ANKH: variants seen among roughly 807,000 people sequenced by gnomAD.
ANKH encodes mineralization regulator ANKH.
Under a neutral mutation model 49.0 loss-of-function variants are expected in ANKH, and 15 were observed. The observed-to-expected ratio is 0.31, with a 90% CI of 0.20 to 0.47. ANKH has a LOEUF of 0.47. Ranked by LOEUF, ANKH falls within the 20% of genes least tolerant of loss-of-function variation. The pLI, the probability that ANKH is intolerant of heterozygous loss-of-function variation, is 1.00. For synonymous variants in ANKH, 273 were observed against 260.0 expected, an observed-to-expected ratio of 1.05 and a Z score of -0.48; for missense variants, 429 against 652.0, an observed-to-expected ratio of 0.66 and a Z score of 3.72.
intron 1 of ANKH, among the ~76,000 whole-genome samples, chr5:14,810,277 C>T (rs1740840470): frequency 6.6e-6 from 1 of 151,946 alleles, no homozygotes; most frequent in Non-Finnish European, 1.5e-5. Flanking sequence ...CCTGCCTCAG[C>T]CTACCAAATA....
intron 1 of ANKH, among the ~76,000 whole-genome samples, chr5:14,793,027 T>A (rs1321241444): frequency 4.5e-5 from 4 of 88,108 alleles, no homozygotes; most frequent in Non-Finnish European, 8.4e-5. Flanking sequence ...TATAAATATA[T>A]ATATATAAAA....
intron 8 of ANKH, among the ~76,000 whole-genome samples, chr5:14,731,891 C>T (rs1738015996): frequency 6.6e-6 from 1 of 152,188 alleles, no homozygotes; most frequent in African/African-American, 2.4e-5. Context: ...CTGTGTGGGA[C>T]AGGGCAACGT....
At position 14,798,404 on chromosome 5, in the gene ANKH, G is replaced by A. The variant is rs1450436476; in HGVS notation, c.97-29213C>T. 9.0e-6 allele frequency: 14 copies of A among 1,557,158 alleles called. No individual in the cohort carries two copies. The East Asian group carries it at 1.2e-4, about 13-fold the overall frequency. ...AGGCTGCTTCCTTGTCGGCCATGGCGGGCAGGCGAGCCGGGGGAATCCTGG... is the reference window on the plus strand; with the variant it reads ...AGGCTGCTTCCTTGTCGGCCATGGCAGGCAGGCGAGCCGGGGGAATCCTGG... On this transcript the variant is annotated intron_variant, in intron 1 of 11. Transcript: ENST00000284268.
chr5:14,786,748 A>G (rs1169465178), intron 1 of ANKH, among the ~76,000 whole-genome samples: 1 of 152,228 alleles, frequency 6.6e-6, no homozygotes, highest in African/African-American at 2.4e-5. Context: ...AATTGTGTGG[A>G]AAAGGAATAT....
In ANKH at chr5:14,812,243, A is replaced by AT. The variant is rs937710931; in HGVS notation, c.97-43053dup. On this transcript the variant is annotated intron_variant, in intron 1 of 11. Coordinates refer to ENST00000284268, the MANE Select transcript of ANKH (RefSeq NM_054027.6). ...TTAAAACCAAAACCCCAAACTTATT[A>AT]TTTTTTTTTTTACCAAAATATAAGT... 5.4e-4 allele frequency among the ~76,000 whole-genome samples: 79 copies of AT among 147,066 alleles called. 1 individual carries two copies. Among genetic ancestry groups the AT allele is most frequent in the South Asian group, 1.3e-3 (6 of 4,638 alleles).
chr5:14,768,762 A>C (rs547318379), intron 2 of ANKH: 1 of 607,650 alleles, frequency 1.6e-6, no homozygotes, highest in Non-Finnish European at 2.9e-6. Flanking sequence ...TCACTTTGGG[A>C]ATCAGAGACA....
chr5:14,729,603 T>C (rs1006461947), intron 8 of ANKH, among the ~76,000 whole-genome samples: 8 of 152,122 alleles, frequency 5.3e-5, no homozygotes, highest in African/African-American at 1.9e-4. Flanking sequence ...CCTCCGCCTC[T>C]ACCTGCCAGC....
In ANKH at chr5:14,713,480, AAC is replaced by A; in HGVS notation, c.1265+62_1265+63del. The A allele has an allele frequency of 6.2e-7, 1 of 1,602,998 alleles. No homozygotes were observed. The highest frequency in any genetic ancestry group is 2.2e-5 in the East Asian group (1 of 44,460). On this transcript the variant is annotated intron_variant, in intron 10 of 11. Transcript: ENST00000284268. This position sits in a 1 kb window ranked among gnomAD's most constrained non-coding sequence, Gnocchi z 4.4. ...ATTTCCCCTGAAAATGTAGCTGTTA[AAC>A]CTCTGGACACAGTATTGAAGTGGCA...
intron 2 of ANKH, 129 bp downstream of exon 2, chr5:14,768,846 T>C: frequency 9.2e-7 from 1 of 1,088,506 alleles, no homozygotes; most frequent in South Asian, 1.3e-5. Context: ...TTCTATCCCC[T>C]GAAAATTTCA....
chr5:14,794,088 T>C (rs991347125), intron 1 of ANKH, among the ~76,000 whole-genome samples: 1 of 152,210 alleles, frequency 6.6e-6, no homozygotes, highest in Non-Finnish European at 1.5e-5. Flanking sequence ...TCGTAGGACG[T>C]AGACAGAGTC....
At chr5:14,824,926 A>G (rs1255059763) in intron 1 of ANKH, among the ~76,000 whole-genome samples, 1 of 152,226 alleles carries the variant, frequency 6.6e-6, no homozygotes, top group African/African-American at 2.4e-5. Flanking sequence ...AACTTTGCAC[A>G]GTGGAAAATG....
chr5:14,867,219 G>A (rs1358102233), intron 1 of ANKH, among the ~76,000 whole-genome samples: 1 of 151,564 alleles, frequency 6.6e-6, no homozygotes, highest in Non-Finnish European at 1.5e-5. Context: ...GACCTAGTCT[G>A]GGAATCAGAA....
intron 1 of ANKH, among the ~76,000 whole-genome samples, chr5:14,850,289 G>C (rs1035340188): frequency 2.0e-5 from 3 of 152,192 alleles, no homozygotes; most frequent in Admixed American, 6.5e-5. Context: ...GGTCTTCCCT[G>C]CTGCTGGCCC....
At chr5:14,851,846 G>A (rs1455085622) in intron 1 of ANKH, among the ~76,000 whole-genome samples, 2 of 152,184 alleles carry the variant, frequency 1.3e-5, no homozygotes, top group Non-Finnish European at 2.9e-5. Flanking sequence ...TCTTAGTAAT[G>A]TAAATGCAAA....
chr5:14,765,749 C>T (rs936249082), intron 2 of ANKH, among the ~76,000 whole-genome samples: 1 of 152,214 alleles, frequency 6.6e-6, no homozygotes, highest in Non-Finnish European at 1.5e-5. Flanking sequence ...TTTTAGTGCT[C>T]TTTGACCTGA....
intron 1 of ANKH, among the ~76,000 whole-genome samples, chr5:14,842,469 G>A (rs1561079878): frequency 6.6e-6 from 1 of 152,186 alleles, no homozygotes; most frequent in African/African-American, 2.4e-5. Context: ...TGGTTACTCA[G>A]TTTTGGAGAG....
intron 1 of ANKH, among the ~76,000 whole-genome samples, chr5:14,862,873 C>T (rs140357642): frequency 1.2e-4 from 19 of 152,248 alleles, no homozygotes; most frequent in African/African-American, 4.3e-4. Context: ...AGAACAGACA[C>T]AAAATGACAG....
At chr5:14,723,948 C>T (rs1037170989) in intron 8 of ANKH, among the ~76,000 whole-genome samples, 4 of 152,208 alleles carry the variant, frequency 2.6e-5, no homozygotes, top group Admixed American at 2.6e-4. Context: ...AGTTTCCAGT[C>T]AGCATGTGAG....
At chr5:14,844,333 C>T (rs185737193) in intron 1 of ANKH, among the ~76,000 whole-genome samples, 1 of 152,362 alleles carries the variant, frequency 6.6e-6, no homozygotes, top group East Asian at 1.9e-4. Flanking sequence ...TCTGACCCTA[C>T]TTTTGGCCTA....
Sources: allele counts gnomAD v4.1 joint callset (sites outside exome capture counted in the v4.1 genomes callset), GRCh38; gene constraint gnomAD v4.1.1; non-coding constraint Gnocchi (gnomAD v3.1); transcripts MANE v1.5; gene names NCBI Gene and HGNC (gene_info 2026-07-23, HGNC 2026-07-21).